Variants in SMAP1 observed in about 807,000 individuals in gnomAD.
SMAP1 encodes the protein stromal membrane-associated protein 1.
SMAP1 carries 24 observed loss-of-function variants against 58.5 expected under a neutral mutation model. That is an observed-to-expected ratio of 0.41 (90% CI 0.30 to 0.58). SMAP1 has a LOEUF of 0.58. Among genes scored for constraint, SMAP1 ranks in the 20% least tolerant of loss-of-function variants. The pLI is 0.29. For synonymous variants in SMAP1, 216 were observed against 196.6 expected (o/e 1.10, Z -0.82); for missense variants, 563 against 566.3 (o/e 0.99, Z 0.06).
chr6:70,678,080 A>G (rs995710937), intron 1 of SMAP1, among the ~76,000 whole-genome samples: 6 of 152,232 alleles, frequency 3.9e-5, no homozygotes, highest in African/African-American at 1.4e-4. Context: ...GTGCTCTTGG[A>G]AACATGCTAA....
chr6:70,773,395 C>A lies in SMAP1; in HGVS notation c.384C>A (p.Tyr128Ter). The change falls in exon 4 of 11, where the codon TAC (tyrosine) becomes TAA (stop). Residue 128 changes from tyrosine (Y) to a stop codon, truncating the protein, a stop_gained. Transcript: ENST00000370455. LOFTEE classifies it high-confidence loss of function. ...GAGATAAATATGAAAAGAAGAAATA[C>A]TACGATAAAAATGCCATAGCTATTA... ...FIRDKYEKKKYYDKNAIAITN... is the reference protein window; with the variant it reads ...FIRDKYEKKK 1 of 1,570,440 alleles carries A rather than the reference C, an allele frequency of 6.4e-7. No individual in the cohort carries two copies. The highest frequency in any genetic ancestry group is 8.7e-7 in the Non-Finnish European group (1 of 1,148,478).
At chr6:70,799,374 A>G (rs957033826) in intron 6 of SMAP1, among the ~76,000 whole-genome samples, 1 of 152,132 alleles carries the variant, frequency 6.6e-6, no homozygotes, top group Admixed American at 6.6e-5. Context: ...CTAATTCAGA[A>G]GGGTTTTTTT....
chr6:70,713,023 C>T (rs576396238), intron 1 of SMAP1, among the ~76,000 whole-genome samples: 1 of 151,952 alleles, frequency 6.6e-6, no homozygotes. Flanking sequence ...GAACTCCTGA[C>T]CTCAAATGAT....
chr6:70,832,666 C>T (rs952087638), intron 6 of SMAP1, among the ~76,000 whole-genome samples: 1 of 152,204 alleles, frequency 6.6e-6, no homozygotes, highest in Admixed American at 6.5e-5. Flanking sequence ...TGAGGTCCCT[C>T]ATGCTGTATC....
chr6:70,849,003 A>T (rs1339943616), intron 7 of SMAP1, among the ~76,000 whole-genome samples: 2 of 152,200 alleles, frequency 1.3e-5, no homozygotes, highest in Admixed American at 1.3e-4. Context: ...TGAAATCCAG[A>T]ACCCACCGTT....
intron 6 of SMAP1, among the ~76,000 whole-genome samples, chr6:70,823,907 A>G (rs1770001796): frequency 6.7e-6 from 1 of 148,436 alleles, no homozygotes; most frequent in South Asian, 2.1e-4. Flanking sequence ...TCTTCATTGT[A>G]GGAACCTGCT....
At chr6:70,756,055 GT>G (rs948650079) in intron 3 of SMAP1, among the ~76,000 whole-genome samples, 5 of 151,782 alleles carry the variant, frequency 3.3e-5, no homozygotes, top group African/African-American at 7.3e-5. Context: ...ATTTTAATAT[GT>G]TTTTTATGTT....
At chr6:70,703,732 A>G (rs1767729555) in intron 1 of SMAP1, among the ~76,000 whole-genome samples, 1 of 152,110 alleles carries the variant, frequency 6.6e-6, no homozygotes, top group Non-Finnish European at 1.5e-5. Flanking sequence ...GACTTTTTGC[A>G]TGTTTAAGGA....
chr6:70,852,724 A>G, intron 8 of SMAP1, 60 bp downstream of exon 8: 2 of 1,443,240 alleles, frequency 1.4e-6, no homozygotes, highest in Non-Finnish European at 1.8e-6. Flanking sequence ...GAAAAGTTTC[A>G]AAATTTCAAT....
intron 6 of SMAP1, among the ~76,000 whole-genome samples, chr6:70,801,365 T>TTTTTG: frequency 6.6e-6 from 1 of 150,954 alleles, no homozygotes; most frequent in East Asian, 2.0e-4. Context: ...TTGATGTGGT[T>TTTTTG]TTTTTTTCTT....
intron 3 of SMAP1, among the ~76,000 whole-genome samples, chr6:70,762,179 G>A (rs1329771196): frequency 6.6e-6 from 1 of 152,046 alleles, no homozygotes; most frequent in African/African-American, 2.4e-5. Context: ...AATCCATTTG[G>A]CTGTTCTTTG....
At chr6:70,749,171 C>T (rs1766171687) in intron 2 of SMAP1, among the ~76,000 whole-genome samples, 1 of 152,056 alleles carries the variant, frequency 6.6e-6, no homozygotes, top group Admixed American at 6.6e-5. Flanking sequence ...TCTTATATGG[C>T]AGCAGGAGAG....
At chr6:70,683,901 C>G (rs1766826591) in intron 1 of SMAP1, among the ~76,000 whole-genome samples, 1 of 152,186 alleles carries the variant, frequency 6.6e-6, no homozygotes, top group Non-Finnish European at 1.5e-5. Flanking sequence ...GGAAATCTGT[C>G]TGTTACTTTG....
rs79474984 is a variant in SMAP1, at chr6:70,750,173, T to C, written c.253-4807T>C. On this transcript the variant is annotated intron_variant, in intron 2 of 10. Transcript: ENST00000370455. Reference sequence around the variant, plus strand: ...GGTTCTGTTTTCAGTAAAGCTGTTATGTGCTGCTTAATTGCCATTTGTCAC... The same window carrying C: ...GGTTCTGTTTTCAGTAAAGCTGTTACGTGCTGCTTAATTGCCATTTGTCAC... Among the ~76,000 whole-genome samples the C allele has an allele frequency of 1.1e-4, 17 of 152,306 alleles. No individual in the cohort carries two copies. The East Asian group carries it at 3.1e-3, about 28-fold the overall frequency.
intron 3 of SMAP1, among the ~76,000 whole-genome samples, chr6:70,766,208 A>G (rs918203599): frequency 2.6e-5 from 4 of 152,130 alleles, no homozygotes; most frequent in East Asian, 1.9e-4. Context: ...ATAAACATAC[A>G]TGTGCATCTG....
intron 4 of SMAP1, among the ~76,000 whole-genome samples, chr6:70,776,150 G>T (rs928590012): frequency 1.5e-4 from 23 of 151,720 alleles, no homozygotes; most frequent in African/African-American, 4.8e-4. Flanking sequence ...GTACTTAAGG[G>T]GTATCCACAG....
At chr6:70,823,064 A>G (rs946623929) in intron 6 of SMAP1, among the ~76,000 whole-genome samples, 2 of 152,210 alleles carry the variant, frequency 1.3e-5, no homozygotes, top group Non-Finnish European at 1.5e-5. Flanking sequence ...AGCCCTTAGC[A>G]TACTAATGAT....
intron 3 of SMAP1, among the ~76,000 whole-genome samples, chr6:70,763,130 T>TTTTAC: frequency 7.2e-6 from 1 of 138,742 alleles, no homozygotes; most frequent in Admixed American, 7.3e-5. Context: ...TTTTTTTTTT[T>TTTTAC]ACGAATTGAA....
At chr6:70,730,256 A>G (rs150361456) in intron 1 of SMAP1, among the ~76,000 whole-genome samples, 15 of 152,124 alleles carry the variant, frequency 9.9e-5, no homozygotes, top group African/African-American at 3.1e-4. Context: ...TGGTTTCACT[A>G]TGTTACCCAG....
Sources: gnomAD v4.1 joint callset for allele counts (sites outside exome capture counted in the v4.1 genomes callset) on GRCh38, gnomAD v4.1.1 for gene constraint, MANE v1.5 for transcripts, NCBI Gene and HGNC (gene_info 2026-07-23, HGNC 2026-07-21) for gene names.